GPHN: variants seen among roughly 807,000 people sequenced by gnomAD.
The protein encoded by GPHN is gephyrin.
Under a neutral mutation model 95.5 loss-of-function variants are expected in GPHN, and 17 were observed. The observed-to-expected ratio is 0.18, with a 90% CI of 0.12 to 0.27. The LOEUF (loss-of-function observed/expected upper bound fraction) is 0.27. Ranked by LOEUF, GPHN falls within the 10% of genes least tolerant of loss-of-function variation. The probability of loss-of-function intolerance (pLI) is 1.00; values close to 1 mark genes in which losing one functional copy is unlikely to be tolerated. For synonymous variants in GPHN, 320 were observed against 322.5 expected (o/e 0.99, Z 0.08); for missense variants, 660 against 978.1 (o/e 0.67, Z 4.34).
intron 10 of GPHN, among the ~76,000 whole-genome samples, chr14:67,034,713 C>G (rs1279751288): frequency 6.6e-6 from 1 of 151,930 alleles, no homozygotes; most frequent in Non-Finnish European, 1.5e-5. Flanking sequence ...GAATATTATA[C>G]TGAAAGAACA....
At chr14:67,649,993 A>T in the GPHN span, 2 of 152,312 alleles carry the variant, frequency 1.3e-5, no homozygotes, top group Non-Finnish European at 2.9e-5. Context: ...AGGCCAAAGG[A>T]ACACTACCGA....
the GPHN span, chr14:67,340,560 C>T: frequency 6.5e-7 from 1 of 1,527,880 alleles, no homozygotes; most frequent in Non-Finnish European, 9.0e-7. Context: ...AACTTCAAAC[C>T]CCTTTTTTCA....
chr14:67,074,235 G>A (rs2076414786), intron 11 of GPHN, among the ~76,000 whole-genome samples: 1 of 149,914 alleles, frequency 6.7e-6, no homozygotes, highest in African/African-American at 2.5e-5. Context: ...CCTACATTGA[G>A]CAAGTCTCTT....
chr14:67,098,676 G>A (rs1463798265), intron 12 of GPHN, among the ~76,000 whole-genome samples: 1 of 152,042 alleles, frequency 6.6e-6, no homozygotes, highest in Non-Finnish European at 1.5e-5. Context: ...ACAAAAATTA[G>A]CCGGGCATGG....
chr14:67,555,907 G>A, the GPHN span: 14 of 1,611,614 alleles, frequency 8.7e-6, no homozygotes, highest in Middle Eastern at 3.4e-4. Flanking sequence ...GGAGGGGATC[G>A]GCGGGAATAT....
the GPHN span, among the ~76,000 whole-genome samples, chr14:67,508,517 C>T: frequency 2.3e-3 from 346 of 152,180 alleles, 3 homozygotes; most frequent in African/African-American, 7.7e-3. Context: ...CACGCTAGCT[C>T]TCCAAGAGGG....
At chr14:67,480,876 A>G in the GPHN span, among the ~76,000 whole-genome samples, 3 of 152,180 alleles carry the variant, frequency 2.0e-5, no homozygotes, top group Non-Finnish European at 1.5e-5. Context: ...GGGAGGGTCC[A>G]GTCTCTTCCC....
At chr14:66,711,294 G>A (rs1219599368) in intron 2 of GPHN, among the ~76,000 whole-genome samples, 1 of 152,044 alleles carries the variant, frequency 6.6e-6, no homozygotes, top group African/African-American at 2.4e-5. Flanking sequence ...TACAATGTTT[G>A]GTTTTCCATT....
chr14:66,570,104 T>A (rs2060621599), intron 1 of GPHN, among the ~76,000 whole-genome samples: 1 of 152,116 alleles, frequency 6.6e-6, no homozygotes. Flanking sequence ...GATATTATGT[T>A]GTGAAGGACA....
chr14:67,521,150 T>C, the GPHN span, among the ~76,000 whole-genome samples: 1 of 152,214 alleles, frequency 6.6e-6, no homozygotes, highest in Non-Finnish European at 1.5e-5. Flanking sequence ...TTGAATAATA[T>C]CACTTCTTAT....
chr14:66,744,589 C>T (rs2058066653), intron 2 of GPHN, among the ~76,000 whole-genome samples: 1 of 152,130 alleles, frequency 6.6e-6, no homozygotes, highest in African/African-American at 2.4e-5. Context: ...GATAAATTTC[C>T]TTATACAAGT....
At chr14:67,535,258 A>G in the GPHN span, among the ~76,000 whole-genome samples, 479 of 152,236 alleles carry the variant, frequency 3.1e-3, 2 homozygotes, top group Non-Finnish European at 4.1e-3. Context: ...CAGGCATGGG[A>G]AGAAGCCTTA....
chr14:67,528,486 C>A, the GPHN span, among the ~76,000 whole-genome samples: 2 of 152,160 alleles, frequency 1.3e-5, no homozygotes, highest in Non-Finnish European at 2.9e-5. Flanking sequence ...ATGTGAGCAG[C>A]CATTGTTCTC....
At chr14:67,655,553 T>C in the GPHN span, among the ~76,000 whole-genome samples, 4 of 151,976 alleles carry the variant, frequency 2.6e-5, no homozygotes. Context: ...TTTACTTACA[T>C]AACAGTAAAG....
the GPHN span, chr14:67,652,557 T>A: frequency 6.5e-6 from 1 of 152,684 alleles, no homozygotes; most frequent in Non-Finnish European, 1.5e-5. Flanking sequence ...AATGCCTGCA[T>A]GAAGCAATGC....
At chr14:67,620,812 C>T in the GPHN span, 1 of 1,407,270 alleles carries the variant, frequency 7.1e-7, no homozygotes, top group South Asian at 1.2e-5. Flanking sequence ...TTCAGAGGAA[C>T]CTGCTGGGAA....
chr14:66,972,367 G>GT (rs2069865444), intron 9 of GPHN, among the ~76,000 whole-genome samples: 1 of 151,246 alleles, frequency 6.6e-6, no homozygotes. Context: ...GACAGACTTT[G>GT]TTTATTTTTG....
intron 10 of GPHN, among the ~76,000 whole-genome samples, chr14:67,049,231 T>C (rs994790357): frequency 1.3e-5 from 2 of 151,620 alleles, no homozygotes; most frequent in African/African-American, 4.9e-5. Flanking sequence ...TTGTTGTTGT[T>C]GTTGTTGTTG....
chr14:67,076,402 G>A (rs919957968), intron 11 of GPHN, among the ~76,000 whole-genome samples: 2 of 151,948 alleles, frequency 1.3e-5, no homozygotes, highest in African/African-American at 4.8e-5. Context: ...TCAGTTTATT[G>A]CGGTAGTCTT....
Sources: allele counts gnomAD v4.1 joint callset (sites outside exome capture counted in the v4.1 genomes callset), GRCh38; gene constraint gnomAD v4.1.1; transcripts MANE v1.5; gene names NCBI Gene and HGNC (gene_info 2026-07-23, HGNC 2026-07-21).